The following UBE2O variants were observed in gnomAD, a reference collection of about 807,000 sequenced individuals.
The protein encoded by UBE2O is ubiquitin conjugating enzyme E2 O.
Under a neutral mutation model 125.8 loss-of-function variants are expected in UBE2O, and 15 were observed. The ratio of observed to expected loss-of-function variants is 0.12; its 90% CI spans 0.08 to 0.18. The LOEUF (loss-of-function observed/expected upper bound fraction) is 0.18. UBE2O is among the 10% of genes least tolerant of loss of function. UBE2O has a pLI of 1.00. For missense variants in UBE2O, 1,280 were observed against 1,723.6 expected (o/e 0.74, Z 4.56); for synonymous variants, 708 against 703.2 (o/e 1.01, Z -0.11).
At position 76,410,265 on chromosome 17, in the gene UBE2O, G is replaced by A. The variant is rs1336965219; in HGVS notation, c.418-4693C>T. 6.6e-6 allele frequency among the ~76,000 whole-genome samples: 1 copy of A among 152,108 alleles called. No homozygotes were observed. The highest frequency in any genetic ancestry group is 1.5e-5 in the Non-Finnish European group (1 of 68,024). On this transcript the variant is annotated intron_variant, in intron 1 of 17. Coordinates refer to ENST00000319380, the MANE Select transcript of UBE2O (RefSeq NM_022066.4). This position sits in a 1 kb window ranked among gnomAD's most constrained non-coding sequence, Gnocchi z 4.0. ...GATTTTTGGGCAGGGAACGTGCTGA[G>A]AGAGGGAGCACGGAGGCTGGTTAGC...
intron 1 of UBE2O, among the ~76,000 whole-genome samples, chr17:76,435,076 C>T (rs1007661376): frequency 9.2e-5 from 14 of 152,046 alleles, no homozygotes; most frequent in Admixed American, 5.2e-4. Flanking sequence ...GGGGAGGTGA[C>T]GCACCTGGCA....
At chr17:76,424,259 A>G in intron 1 of UBE2O, among the ~76,000 whole-genome samples, 1 of 126,268 alleles carries the variant, frequency 7.9e-6, no homozygotes, top group Non-Finnish European at 1.6e-5. Flanking sequence ...CCCAGCCTGG[A>G]GTGCAATGGC....
At chr17:76,416,908 G>A (rs943321100) in intron 1 of UBE2O, among the ~76,000 whole-genome samples, 6 of 152,206 alleles carry the variant, frequency 3.9e-5, no homozygotes. Flanking sequence ...AATTCTGCAG[G>A]TGCAGTGAGA....
intron 13 of UBE2O, among the ~76,000 whole-genome samples, chr17:76,397,085 G>A (rs2072224038): frequency 6.6e-6 from 1 of 152,156 alleles, no homozygotes; most frequent in Non-Finnish European, 1.5e-5. Flanking sequence ...CTCCTGCTCT[G>A]TGCACTTCGT....
chr17:76,438,176 T>C (rs973315323), intron 1 of UBE2O, among the ~76,000 whole-genome samples: 12 of 152,184 alleles, frequency 7.9e-5, no homozygotes, highest in Non-Finnish European at 1.6e-4. Context: ...CTAAAAGCTA[T>C]AAAACTTAAT....
chr17:76,405,535 A>G lies in UBE2O; in HGVS notation c.455T>C (p.Val152Ala). 2 of 1,599,362 alleles carry G rather than the reference A, an allele frequency of 1.3e-6. No homozygotes were observed. Among genetic ancestry groups the G allele is most frequent in the Non-Finnish European group, 1.7e-6 (2 of 1,174,724 alleles). Residue 152 changes from valine (V) to alanine (A), a missense_variant, in exon 2 of 18, where the codon GTG (valine) becomes GCG (alanine). Val to Ala is a moderately conservative substitution (Grantham distance 64). Coordinates refer to ENST00000319380, the MANE Select transcript of UBE2O (RefSeq NM_022066.4). This position sits in a 1 kb window ranked among gnomAD's most constrained non-coding sequence, Gnocchi z 6.1. Reference protein sequence around the residue: ...LEDRSVVPRDVVRHMRSTDSQ... With the variant: ...LEDRSVVPRDAVRHMRSTDSQ... The stretch of plus-strand genomic sequence containing the variant: ...CACGGTGGATCGCATGTGCCGGACC[A>G]CATCTCGGGGCACCACAGAACGGTC...
intron 12 of UBE2O, 37 bp from the exon 13 acceptor site, chr17:76,397,925 T>C: frequency 6.2e-7 from 1 of 1,606,620 alleles, no homozygotes; most frequent in Non-Finnish European, 8.5e-7. Context: ...GGGGCCCAGC[T>C]CAAGCTCCAG....
Position 76,399,773 on chromosome 17 carries a change from G to A in UBE2O, c.1304C>T (p.Thr435Met), listed in dbSNP as rs373306096. 29 of 1,614,088 alleles carry A rather than the reference G, an allele frequency of 1.8e-5. No individual in the cohort carries two copies. Among genetic ancestry groups the A allele is most frequent in the Middle Eastern group, 3.3e-4 (2 of 6,084 alleles). Residue 435 changes from threonine to methionine, a missense_variant, in exon 9 of 18, where the codon ACG becomes ATG. By Grantham distance (81) the Thr-to-Met change is moderately conservative. Around this residue, in one of 10 missense-constraint regions of UBE2O, gnomAD observed 141 missense variants for 141.3 expected, o/e 1.00. Coordinates refer to ENST00000319380, the MANE Select transcript of UBE2O (RefSeq NM_022066.4). The surrounding 1 kb of genome is among the most constrained non-coding windows in gnomAD (Gnocchi z 6.9). ...SEAESASPEE[T>M]PDGSASPVEM... ...CACTGGACTGGCAGAGCCATCGGGC[G>A]TCTCCTCAGGGCTGGCAGACTCCGC...
intron 1 of UBE2O, among the ~76,000 whole-genome samples, chr17:76,413,830 AC>A (rs2072556097): frequency 6.6e-6 from 1 of 152,222 alleles, no homozygotes; most frequent in African/African-American, 2.4e-5. Flanking sequence ...AGGAACTTTA[AC>A]TTTCTGACCT....
intron 1 of UBE2O, among the ~76,000 whole-genome samples, chr17:76,438,148 C>T (rs992777356): frequency 5.9e-5 from 9 of 152,084 alleles, no homozygotes; most frequent in Non-Finnish European, 1.3e-4. Flanking sequence ...ACATCCACTG[C>T]TTTTAGAAAA....
chr17:76,417,500 T>TA (rs1388740067), intron 1 of UBE2O, among the ~76,000 whole-genome samples: 11 of 152,350 alleles, frequency 7.2e-5, no homozygotes, highest in South Asian at 6.2e-4. Flanking sequence ...CAGGAAATCT[T>TA]AGAGTATTAA....
At chr17:76,407,002 G>T in intron 1 of UBE2O, among the ~76,000 whole-genome samples, 1 of 152,148 alleles carries the variant, frequency 6.6e-6, no homozygotes, top group East Asian at 1.9e-4. Flanking sequence ...CCAGGTATGA[G>T]CCTGTTTCAA....
intron 1 of UBE2O, among the ~76,000 whole-genome samples, chr17:76,411,127 C>A (rs978823120): frequency 6.6e-6 from 1 of 152,138 alleles, no homozygotes; most frequent in African/African-American, 2.4e-5. Context: ...AATACTCCCA[C>A]CTGTCTCCTG....
chr17:76,402,752 C>A lies in UBE2O; in HGVS notation c.589-53G>T. 1 of 1,455,104 alleles carries A rather than the reference C, an allele frequency of 6.9e-7. No homozygotes were observed. Among genetic ancestry groups the A allele is most frequent in the South Asian group, 1.1e-5 (1 of 87,926 alleles). The allele number at this position is 1,455,104 out of a possible 1,614,324, so 90.1% of individuals were successfully genotyped here. A position where few individuals can be genotyped will look rare whatever the true frequency, so the allele number is the denominator to read the frequency against. On this transcript the variant is annotated intron_variant, in intron 3 of 17. Transcript: ENST00000319380. The surrounding 1 kb of genome is among the most constrained non-coding windows in gnomAD (Gnocchi z 5.4). ...AGACACAGCAGACAACGTTCATGTC[C>A]AGGGCACAGATTCCTCTATGCCCCA...
At position 76,399,734 on chromosome 17, in the gene UBE2O, T is replaced by G; in HGVS notation, c.1343A>C (p.Glu448Ala). 1 of 1,614,212 alleles carries G rather than the reference T, an allele frequency of 6.2e-7. No individual in the cohort carries two copies. The highest frequency in any genetic ancestry group is 1.1e-5 in the South Asian group (1 of 91,084). ...GSASPVEMQD[E>A]GAEEPHEAGE... is the part of the protein sequence containing the mutation. ...TGCCTCGTGGGGCTCCTCTGCACCC[T>G]CGTCCTGCATCTCCACTGGACTGGC... Residue 448 changes from glutamate to alanine, a missense_variant, in exon 9 of 18, where the codon GAG becomes GCG. Glu to Ala is a moderately radical substitution (Grantham distance 107, BLOSUM62 -1). Around this residue, in one of 10 missense-constraint regions of UBE2O, gnomAD observed 141 missense variants for 141.3 expected, o/e 1.00. Coordinates refer to ENST00000319380, the MANE Select transcript of UBE2O (RefSeq NM_022066.4). This position sits in a 1 kb window ranked among gnomAD's most constrained non-coding sequence, Gnocchi z 6.9.
rs984164586 is a variant in UBE2O at position 76,390,706 on chromosome 17, G to A, written c.*237C>T. ...GGTGACAAATGGAAAATCGGCAACA[G>A]GGTTCCGATTTTCTTTGCCACAGGG... On this transcript the variant is annotated 3_prime_UTR_variant, in exon 18 of 18. Coordinates refer to ENST00000319380, the MANE Select transcript of UBE2O (RefSeq NM_022066.4). 12 of 434,936 alleles carry A rather than the reference G, an allele frequency of 2.8e-5. 1 individual carries two copies. The Middle Eastern group carries it at 2.3e-3, about 85-fold the overall frequency. The allele number at this position is 434,936 out of a possible 1,614,324, so 26.9% of individuals were successfully genotyped here.
chr17:76,439,615 A>G (rs888880461), intron 1 of UBE2O, among the ~76,000 whole-genome samples: 4 of 152,212 alleles, frequency 2.6e-5, no homozygotes, highest in African/African-American at 9.7e-5. Context: ...CATACAAATA[A>G]AAGCTCACAA....
intron 1 of UBE2O, among the ~76,000 whole-genome samples, chr17:76,429,075 T>C (rs1359090730): frequency 1.3e-5 from 2 of 151,864 alleles, no homozygotes; most frequent in African/African-American, 4.8e-5. Context: ...CTAATTTTTG[T>C]ATTTTTAGTA....
At chr17:76,413,257 G>A (rs949710319) in intron 1 of UBE2O, among the ~76,000 whole-genome samples, 2 of 152,206 alleles carry the variant, frequency 1.3e-5, no homozygotes, top group African/African-American at 4.8e-5. Context: ...ATCCCACAAT[G>A]TTAATGCAGC....
Sources: allele counts gnomAD v4.1 joint callset (sites outside exome capture counted in the v4.1 genomes callset), GRCh38; gene constraint gnomAD v4.1.1; regional missense constraint gnomAD v4.1.1; non-coding constraint Gnocchi (gnomAD v3.1); transcripts MANE v1.5; gene names NCBI Gene and HGNC (gene_info 2026-07-23, HGNC 2026-07-21).